GNAI2: variants seen among roughly 807,000 people sequenced by gnomAD.
GNAI2 encodes guanine nucleotide-binding protein G(i) subunit alpha-2.
A neutral mutation model predicts 36.8 loss-of-function variants in GNAI2; 4 were observed. The observed-to-expected ratio is 0.11, with a 90% confidence interval of 0.05 to 0.25. The LOEUF (loss-of-function observed/expected upper bound fraction) is 0.25, where lower values mean the gene tolerates loss of function less well. GNAI2 is among the 10% of genes least tolerant of loss of function. The pLI is 1.00. For missense variants in GNAI2, 230 were observed against 481.3 expected (o/e 0.48, Z 4.89); for synonymous variants, 194 against 194.1 (o/e 1.00, Z 0.01).
At chr3:50,233,957 G>A (rs1700113815), upstream of GNAI2, among the ~76,000 whole-genome samples, 1 of 144,456 alleles carries the variant, frequency 6.9e-6, no homozygotes, top group Non-Finnish European at 1.5e-5. Flanking sequence ...GTGCAGTGGT[G>A]TGATCTCAGC....
intron 1 of GNAI2, among the ~76,000 whole-genome samples, chr3:50,240,356 C>T (rs1463142897): frequency 6.6e-6 from 1 of 152,196 alleles, no homozygotes; most frequent in African/African-American, 2.4e-5. Context: ...AAGAACACTG[C>T]AGCAGGAAGA....
chr3:50,257,717 G>A lies in GNAI2; in HGVS notation c.*24+3G>A. ...GGGCAGCGGGGCCTGGCGGGATGGT[G>A]AGCCAGAGGGGCTGTGGCAGGGTGC... On this transcript the variant is annotated splice_donor_region_variant and intron_variant, in intron 8 of 8. Coordinates refer to ENST00000313601, the MANE Select transcript of GNAI2 (RefSeq NM_002070.4). 1 of 1,490,410 alleles carries A rather than the reference G, an allele frequency of 6.7e-7. No homozygotes were observed. Among genetic ancestry groups the A allele is most frequent in the Non-Finnish European group, 9.1e-7 (1 of 1,103,450 alleles). 92.3% of individuals were successfully genotyped at this position (1,490,410 alleles called of 1,614,324 possible). A position where few individuals can be genotyped will look rare whatever the true frequency, so the allele number is the denominator to read the frequency against.
intron 1 of GNAI2, among the ~76,000 whole-genome samples, chr3:50,248,957 A>C (rs1306774422): frequency 6.6e-6 from 1 of 151,944 alleles, no homozygotes; most frequent in African/African-American, 2.4e-5. Flanking sequence ...GCAAGTTTGC[A>C]CCCTCGTCCC....
chr3:50,231,105 C>A (rs1173615701), intron 1 of GNAI2: 2 of 194,644 alleles, frequency 1.0e-5, no homozygotes, highest in Non-Finnish European at 1.9e-5. Context: ...CATCTTCTTG[C>A]AATATTCTTC....
Position 50,259,050 on chromosome 3 carries a change from C to T in GNAI2, c.*707C>T, listed in dbSNP as rs1553703737. On this transcript the variant is annotated 3_prime_UTR_variant, in exon 9 of 9. Coordinates refer to ENST00000313601, the MANE Select transcript of GNAI2 (RefSeq NM_002070.4). ...TGTTTACACCCGTCCCTCTGCTGGC[C>T]GCCCCCGTGCGAGCGGCACCCCTGC... is the stretch of plus-strand genomic sequence containing the variant. The T allele has an allele frequency of 1.2e-5, 5 of 406,688 alleles. No homozygotes were observed. The highest frequency in any genetic ancestry group is 1.4e-4 in the East Asian group (2 of 13,928). 25.2% of individuals were successfully genotyped at this position (406,688 alleles called of 1,614,324 possible). A position where few individuals can be genotyped will look rare whatever the true frequency, so the allele number is the denominator to read the frequency against.
chr3:50,245,317 T>C (rs1700392195), intron 1 of GNAI2, among the ~76,000 whole-genome samples: 1 of 152,206 alleles, frequency 6.6e-6, no homozygotes, highest in Admixed American at 6.5e-5. Context: ...ATTCTTAGCA[T>C]GGTCTCCTGG....
Position 50,253,309 on chromosome 3 carries a change from T to A in GNAI2, c.464+125T>A. 3.4e-6 allele frequency: 2 copies of A among 590,282 alleles called. No individual in the cohort carries two copies. Among genetic ancestry groups the A allele is most frequent in the Non-Finnish European group, 5.6e-6 (2 of 355,084 alleles). 36.6% of individuals were successfully genotyped at this position (590,282 alleles called of 1,614,324 possible). ...CTTTGCTTATGAAACCGATGACTGT[T>A]AACCAAGGCCTTCCTGTTTTTTGGT... On this transcript the variant is annotated intron_variant, in intron 4 of 8. Coordinates refer to ENST00000313601, the MANE Select transcript of GNAI2 (RefSeq NM_002070.4). The surrounding 1 kb of genome is among the most constrained non-coding windows in gnomAD (Gnocchi z 4.2).
chr3:50,255,562 C>T lies in GNAI2; in HGVS notation c.465-630C>T, dbSNP rs1700673142. ...AATTTGCCTCCTCCCACCCTCTTTG[C>T]CTATAGCTCCAACATCCTGGATCCT... On this transcript the variant is annotated intron_variant, in intron 4 of 8. Coordinates refer to ENST00000313601, the MANE Select transcript of GNAI2 (RefSeq NM_002070.4). This position sits in a 1 kb window ranked among gnomAD's most constrained non-coding sequence, Gnocchi z 4.0. Among the ~76,000 whole-genome samples, 1 of 152,198 alleles carries T rather than the reference C, an allele frequency of 6.6e-6. No homozygotes were observed. The highest frequency in any genetic ancestry group is 2.1e-4 in the South Asian group (1 of 4,834).
intron 1 of GNAI2, among the ~76,000 whole-genome samples, chr3:50,244,997 A>ATTT (rs11431707): frequency 2.1e-5 from 3 of 139,872 alleles, no homozygotes; most frequent in Admixed American, 7.1e-5. Flanking sequence ...TGATGCTGTG[A>ATTT]TTTTTTTTTT....
At chr3:50,248,252 CA>C (rs1174010786) in intron 1 of GNAI2, among the ~76,000 whole-genome samples, 9 of 149,624 alleles carry the variant, frequency 6.0e-5, no homozygotes, top group South Asian at 4.2e-4. Context: ...GACTGTGTTT[CA>C]AAAAAAAAAT....
chr3:50,236,185 T>A (rs1700161441), upstream of GNAI2: 1 of 1,166,506 alleles, frequency 8.6e-7, no homozygotes. This position sits in a 1 kb window ranked among gnomAD's most constrained non-coding sequence, Gnocchi z 4.0. Context: ...TGCGCGGCGG[T>A]AGGGAAGGCG....
rs1484220774 is a variant in GNAI2, at chr3:50,255,657, C to T, written c.465-535C>T. Among the ~76,000 whole-genome samples, 1 of 152,200 alleles carries T rather than the reference C, an allele frequency of 6.6e-6. No individual in the cohort carries two copies. Among genetic ancestry groups the T allele is most frequent in the Non-Finnish European group, 1.5e-5 (1 of 68,038 alleles). On this transcript the variant is annotated intron_variant, in intron 4 of 8. Transcript: ENST00000313601. This position sits in a 1 kb window ranked among gnomAD's most constrained non-coding sequence, Gnocchi z 4.0. ...TGGCTAGCTGTCCACAGAGCTGCAC[C>T]TCCTCCCATTCCCATTCTACAGGTG...
chr3:50,245,688 C>T (rs1700400403), intron 1 of GNAI2, among the ~76,000 whole-genome samples: 1 of 152,232 alleles, frequency 6.6e-6, no homozygotes, highest in Non-Finnish European at 1.5e-5. Context: ...TCTGGGGCCT[C>T]CTTTATATCA....
At position 50,259,119 on chromosome 3, in the gene GNAI2, C is replaced by T; in HGVS notation, c.*776C>T. 1 of 349,612 alleles carries T rather than the reference C, an allele frequency of 2.9e-6. No individual in the cohort carries two copies. Among genetic ancestry groups the T allele is most frequent in the South Asian group, 2.2e-5 (1 of 45,004 alleles). The allele number at this position is 349,612 out of a possible 1,614,324, so 21.7% of individuals were successfully genotyped here. Reference sequence around the variant, plus strand: ...GGGTTCCAAGGGCTGTTCCAGACAACTGCCAACGTCACTGAGGGCCCTGCC... The same window carrying T: ...GGGTTCCAAGGGCTGTTCCAGACAATTGCCAACGTCACTGAGGGCCCTGCC... On this transcript the variant is annotated 3_prime_UTR_variant, in exon 9 of 9. Coordinates refer to ENST00000313601, the MANE Select transcript of GNAI2 (RefSeq NM_002070.4).
intron 1 of GNAI2, among the ~76,000 whole-genome samples, chr3:50,245,449 T>C (rs1186148284): frequency 6.6e-6 from 1 of 152,218 alleles, no homozygotes; most frequent in African/African-American, 2.4e-5. Flanking sequence ...GTACATTTCA[T>C]AGATGAGGCC....
Position 50,253,253 on chromosome 3 carries a change from G to A in GNAI2, c.464+69G>A. ...GGAGGACTAAAGGCTGGACCGGAGG[G>A]CCTGAGAACCCCCAGAAGGACACTG... is the stretch of plus-strand genomic sequence containing the variant. On this transcript the variant is annotated intron_variant, in intron 4 of 8. Coordinates refer to ENST00000313601, the MANE Select transcript of GNAI2 (RefSeq NM_002070.4). The surrounding 1 kb of genome is among the most constrained non-coding windows in gnomAD (Gnocchi z 4.2). The A allele has an allele frequency of 7.9e-7, 1 of 1,272,920 alleles. No homozygotes were observed. The highest frequency in any genetic ancestry group is 1.4e-5 in the South Asian group (1 of 70,520). The allele number at this position is 1,272,920 out of a possible 1,614,324, so 78.9% of individuals were successfully genotyped here.
rs1335326143 is a variant in GNAI2 at position 50,236,961 on chromosome 3, T to C, written c.118+508T>C. On this transcript the variant is annotated intron_variant, in intron 1 of 8. Transcript: ENST00000313601. The surrounding 1 kb of genome is among the most constrained non-coding windows in gnomAD (Gnocchi z 4.0). ...CATCCCTAGTCTGGAATCTGTATCC[T>C]CCACCTGTGCACTCTGACCCAAGGA... Among the ~76,000 whole-genome samples, 2 of 152,050 alleles carry C rather than the reference T, an allele frequency of 1.3e-5. No individual in the cohort carries two copies. The highest frequency in any genetic ancestry group is 2.9e-5 in the Non-Finnish European group (2 of 68,016).
chr3:50,233,195 A>G (rs1700100217), upstream of GNAI2, among the ~76,000 whole-genome samples: 2 of 151,888 alleles, frequency 1.3e-5, no homozygotes, highest in Non-Finnish European at 2.9e-5. Context: ...CCCTGGGAAG[A>G]GCATAGGACT....
chr3:50,241,209 AC>A lies in GNAI2; in HGVS notation c.118+4759del, dbSNP rs1700292142. On this transcript the variant is annotated intron_variant, in intron 1 of 8. Transcript: ENST00000313601. The surrounding 1 kb of genome is among the most constrained non-coding windows in gnomAD (Gnocchi z 5.0). ...CTGGGTGCCAGGTGGGCCAGTACCC[AC>A]CCAGGCTGGCCTCCAGCCCCTACAC... 6.6e-6 allele frequency among the ~76,000 whole-genome samples: 1 copy of A among 152,028 alleles called. No individual in the cohort carries two copies. The highest frequency in any genetic ancestry group is 2.1e-4 in the South Asian group (1 of 4,816).
Sources: gnomAD v4.1 joint callset for allele counts (sites outside exome capture counted in the v4.1 genomes callset) on GRCh38, gnomAD v4.1.1 for gene constraint, Gnocchi (gnomAD v3.1) non-coding constraint, MANE v1.5 for transcripts, NCBI Gene and HGNC (gene_info 2026-07-23, HGNC 2026-07-21) for gene names.